NXPE2: variants seen among roughly 807,000 people sequenced by gnomAD.
NXPE2 encodes the protein neurexophilin and PC-esterase domain family member 2.
A neutral mutation model predicts 34.4 loss-of-function variants in NXPE2; 34 were observed. The observed-to-expected ratio is 0.99, with a 90% CI of 0.75 to 1.31. NXPE2 has a LOEUF of 1.31. Ranked by LOEUF, NXPE2 falls within the 40% of genes most tolerant of loss-of-function variation. NXPE2 has a pLI of 0.00. For missense variants in NXPE2, 649 were observed against 672.5 expected (o/e 0.97, Z 0.39); for synonymous variants, 235 against 231.3 (o/e 1.02, Z -0.15).
the NXPE2 span, among the ~76,000 whole-genome samples, chr11:114,792,805 C>T: frequency 6.6e-6 from 1 of 152,306 alleles, no homozygotes; most frequent in East Asian, 1.9e-4. Flanking sequence ...AAACACTTTA[C>T]GTATGTTATC....
the NXPE2 span, among the ~76,000 whole-genome samples, chr11:114,478,077 A>G: frequency 6.8e-6 from 1 of 147,412 alleles, no homozygotes; most frequent in Non-Finnish European, 1.5e-5. Context: ...CCCCTCCCCC[A>G]CCCCAAGTAC....
the NXPE2 span, among the ~76,000 whole-genome samples, chr11:114,799,198 C>G: frequency 6.8e-6 from 1 of 147,668 alleles, no homozygotes; most frequent in East Asian, 2.0e-4. Flanking sequence ...ATAAGTTAGT[C>G]TATCTTTAGG....
At chr11:114,593,065 T>C in the NXPE2 span, among the ~76,000 whole-genome samples, 53 of 152,082 alleles carry the variant, frequency 3.5e-4, no homozygotes, top group Non-Finnish European at 7.2e-4. Flanking sequence ...ACCCAAAGTA[T>C]GAAAATACTA....
chr11:114,534,431 C>T, the NXPE2 span, among the ~76,000 whole-genome samples: 26 of 152,190 alleles, frequency 1.7e-4, no homozygotes, highest in South Asian at 6.2e-4. Context: ...CAAAGCTGGA[C>T]GGAGAATGAC....
At chr11:114,610,068 A>C in the NXPE2 span, among the ~76,000 whole-genome samples, 1 of 151,066 alleles carries the variant, frequency 6.6e-6, no homozygotes, top group Admixed American at 6.6e-5. Context: ...GTCTTGCCTC[A>C]TGGGTAACCA....
At chr11:114,486,835 A>G in the NXPE2 span, among the ~76,000 whole-genome samples, 12 of 151,950 alleles carry the variant, frequency 7.9e-5, no homozygotes, top group Admixed American at 2.0e-4. Flanking sequence ...TGGGTTCTCT[A>G]TTCTGTTCTA....
chr11:114,729,261 T>C, the NXPE2 span, among the ~76,000 whole-genome samples: 14 of 152,214 alleles, frequency 9.2e-5, no homozygotes, highest in Admixed American at 2.0e-4. Context: ...TTCTTTTTTA[T>C]GGTTGCATAG....
At chr11:114,696,917 A>G (rs1951268901) in intron 2 of NXPE2, among the ~76,000 whole-genome samples, 2 of 152,228 alleles carry the variant, frequency 1.3e-5, no homozygotes, top group East Asian at 3.8e-4. Context: ...TTTCTTGTAC[A>G]TAAATATCTA....
Position 114,705,766 on chromosome 11 carries a change from A to G in NXPE2, c.929-15A>G. 7.2e-7 allele frequency: 1 copy of G among 1,381,984 alleles called. No individual in the cohort carries two copies. Among genetic ancestry groups the G allele is most frequent in the Non-Finnish European group, 9.5e-7 (1 of 1,053,264 alleles). 85.6% of individuals were successfully genotyped at this position (1,381,984 alleles called of 1,614,324 possible). A position where few individuals can be genotyped will look rare whatever the true frequency, so the allele number is the denominator to read the frequency against. On this transcript the variant is annotated splice_polypyrimidine_tract_variant and intron_variant, in intron 4 of 5. Coordinates refer to ENST00000389586, the MANE Select transcript of NXPE2 (RefSeq NM_182495.6). Reference sequence around the variant, plus strand: ...GGTAATAAAAATTACTTAATCTGGAAATTTGTATTGCCAGAGAGCGAGAAC... The same window carrying G: ...GGTAATAAAAATTACTTAATCTGGAGATTTGTATTGCCAGAGAGCGAGAAC...
chr11:114,515,931 A>G, the NXPE2 span, among the ~76,000 whole-genome samples: 1 of 152,222 alleles, frequency 6.6e-6, no homozygotes, highest in African/African-American at 2.4e-5. Flanking sequence ...GGTTTTGGGA[A>G]AAGATGAAGA....
At chr11:114,695,372 C>A (rs1331014514) in intron 2 of NXPE2, among the ~76,000 whole-genome samples, 2 of 152,158 alleles carry the variant, frequency 1.3e-5, no homozygotes, top group Non-Finnish European at 2.9e-5. Flanking sequence ...GTGACCTTCA[C>A]AAGTGCTTGT....
At chr11:114,739,966 C>T in the NXPE2 span, among the ~76,000 whole-genome samples, 3 of 152,252 alleles carry the variant, frequency 2.0e-5, no homozygotes, top group Non-Finnish European at 2.9e-5. Flanking sequence ...CAGTAGTCCT[C>T]TTTTATCCAT....
At chr11:114,601,911 T>C in the NXPE2 span, among the ~76,000 whole-genome samples, 13 of 38,974 alleles carry the variant, frequency 3.3e-4, no homozygotes, top group Admixed American at 2.5e-3. Context: ...ATATATTATA[T>C]AATTATATAT....
chr11:114,591,268 A>T, the NXPE2 span, among the ~76,000 whole-genome samples: 1 of 152,212 alleles, frequency 6.6e-6, no homozygotes, highest in African/African-American at 2.4e-5. Context: ...TAACATTTAC[A>T]TTGACTCCAA....
the NXPE2 span, among the ~76,000 whole-genome samples, chr11:114,575,564 C>G: frequency 6.6e-6 from 1 of 151,884 alleles, no homozygotes; most frequent in African/African-American, 2.4e-5. Context: ...AGCCGAGAAT[C>G]AAATCAAGAG....
the NXPE2 span, among the ~76,000 whole-genome samples, chr11:114,495,096 G>T: frequency 6.6e-6 from 1 of 152,128 alleles, no homozygotes; most frequent in Non-Finnish European, 1.5e-5. Flanking sequence ...GAGTTGCCTG[G>T]AGCTGGGGGA....
chr11:114,630,893 C>T, the NXPE2 span, among the ~76,000 whole-genome samples: 1 of 151,748 alleles, frequency 6.6e-6, no homozygotes, highest in East Asian at 1.9e-4. Flanking sequence ...TAAAAGAAGA[C>T]ATTTATGCAG....
At chr11:114,612,335 G>A in the NXPE2 span, among the ~76,000 whole-genome samples, 3 of 143,310 alleles carry the variant, frequency 2.1e-5, no homozygotes, top group East Asian at 2.2e-4. Flanking sequence ...CTGGTGGATA[G>A]TAAGTACTGC....
the NXPE2 span, chr11:114,582,330 T>G: frequency 1.9e-5 from 30 of 1,598,970 alleles, 1 homozygote; most frequent in Non-Finnish European, 2.6e-5. Context: ...ATAAGAAACT[T>G]TCTTGTTCTT....
Sources: allele counts gnomAD v4.1 joint callset (sites outside exome capture counted in the v4.1 genomes callset), GRCh38; gene constraint gnomAD v4.1.1; transcripts MANE v1.5; gene names NCBI Gene and HGNC (gene_info 2026-07-23, HGNC 2026-07-21).